SLC43A2: variants seen among roughly 807,000 people sequenced by gnomAD.
SLC43A2 encodes the protein large neutral amino acids transporter small subunit 4.
Under a neutral mutation model 63.2 loss-of-function variants are expected in SLC43A2, and 38 were observed. The observed-to-expected ratio is 0.60, with a 90% CI of 0.46 to 0.79. SLC43A2 has a LOEUF of 0.79. Among genes scored for constraint, SLC43A2 ranks in the 30% least tolerant of loss-of-function variants. The pLI is 0.00. For synonymous variants in SLC43A2, 322 were observed against 331.0 expected (o/e 0.97, Z 0.30); for missense variants, 644 against 756.2 (o/e 0.85, Z 1.74).
At chr17:1,623,025 T>C (rs1255321868) in intron 2 of SLC43A2, among the ~76,000 whole-genome samples, 2 of 151,932 alleles carry the variant, frequency 1.3e-5, no homozygotes, top group Non-Finnish European at 2.9e-5. Flanking sequence ...AAAATCGCTT[T>C]AACCCGAGAG....
rs2075903909 is a variant in SLC43A2 at position 1,575,212 on chromosome 17, G to A, written c.*392C>T. Reference sequence around the variant, plus strand: ...TGTCCTCAGGCAGGTACGGCTGTGGGCATGCAGCCGAGGGGCAGGTGGCAG... The same window carrying A: ...TGTCCTCAGGCAGGTACGGCTGTGGACATGCAGCCGAGGGGCAGGTGGCAG... On this transcript the variant is annotated 3_prime_UTR_variant, in exon 14 of 14. Transcript: ENST00000301335. The A allele has an allele frequency of 3.0e-6, 1 of 330,358 alleles. No homozygotes were observed. Among genetic ancestry groups the A allele is most frequent in the Non-Finnish European group, 5.7e-6 (1 of 174,584 alleles). The allele number at this position is 330,358 out of a possible 1,614,324, so 20.5% of individuals were successfully genotyped here. A position where few individuals can be genotyped will look rare whatever the true frequency, so the allele number is the denominator to read the frequency against.
Position 1,575,197 on chromosome 17 carries a change from C to G in SLC43A2, c.*407G>C. On this transcript the variant is annotated 3_prime_UTR_variant, in exon 14 of 14. Coordinates refer to ENST00000301335, the MANE Select transcript of SLC43A2 (RefSeq NM_152346.3). ...GACAGTGCAAGCCTTTGTCCTCAGG[C>G]AGGTACGGCTGTGGGCATGCAGCCG... 1.0e-5 allele frequency: 3 copies of G among 299,256 alleles called. No individual in the cohort carries two copies. The highest frequency in any genetic ancestry group is 1.9e-5 in the Non-Finnish European group (3 of 155,598). The allele number at this position is 299,256 out of a possible 1,614,324, so 18.5% of individuals were successfully genotyped here.
At position 1,583,671 on chromosome 17, in the gene SLC43A2, C is replaced by A; in HGVS notation, c.1218-335G>T. 2 of 249,364 alleles carry A rather than the reference C, an allele frequency of 8.0e-6. No individual in the cohort carries two copies. The highest frequency in any genetic ancestry group is 1.6e-4 in the East Asian group (2 of 12,848). 15.4% of individuals were successfully genotyped at this position (249,364 alleles called of 1,614,324 possible). ...TGGCACATGGCAAAGCCTCACTTCA[C>A]CACTGGCTTCAAGTTCACCCAAATC... On this transcript the variant is annotated intron_variant, in intron 10 of 13. Coordinates refer to ENST00000301335, the MANE Select transcript of SLC43A2 (RefSeq NM_152346.3). The surrounding 1 kb of genome is among the most constrained non-coding windows in gnomAD (Gnocchi z 5.5).
rs1598491958 is a variant in SLC43A2, at chr17:1,618,498, C to T, written c.161-1729G>A. Among the ~76,000 whole-genome samples the T allele has an allele frequency of 2.0e-5, 3 of 152,308 alleles. No homozygotes were observed. The East Asian group carries it at 5.8e-4, about 29-fold the overall frequency. On this transcript the variant is annotated intron_variant, in intron 2 of 13. Coordinates refer to ENST00000301335, the MANE Select transcript of SLC43A2 (RefSeq NM_152346.3). ...GAGGCTCCGGCGGGGAATCACGGCA[C>T]CATCAGCTGGCACAGAGCCGGATGC...
intron 3 of SLC43A2, among the ~76,000 whole-genome samples, chr17:1,615,965 C>A (rs562100186): frequency 2.0e-5 from 3 of 149,980 alleles, no homozygotes; most frequent in Admixed American, 6.7e-5. Context: ...ATTGCTTGAA[C>A]TGGGGAGGCA....
intron 2 of SLC43A2, among the ~76,000 whole-genome samples, chr17:1,624,202 C>A (rs1019387609): frequency 6.6e-6 from 1 of 152,212 alleles, no homozygotes; most frequent in Non-Finnish European, 1.5e-5. Context: ...TGTGGGAGCC[C>A]GAGGTGGGTG....
intron 10 of SLC43A2, 33 bp downstream of exon 10, chr17:1,585,880 C>A (rs760883650): frequency 6.2e-7 from 1 of 1,613,110 alleles, no homozygotes; most frequent in Non-Finnish European, 8.5e-7. Context: ...GGGCTGCGGG[C>A]TGGGAGCCGG....
intron 9 of SLC43A2, among the ~76,000 whole-genome samples, chr17:1,588,532 A>G (rs1267395033): frequency 6.6e-6 from 1 of 151,370 alleles, no homozygotes; most frequent in Non-Finnish European, 1.5e-5. Context: ...CTTTATGGAA[A>G]AAAAAAAAAA....
chr17:1,613,805 A>G (rs1313453944), intron 4 of SLC43A2, among the ~76,000 whole-genome samples: 3 of 152,086 alleles, frequency 2.0e-5, no homozygotes, highest in Non-Finnish European at 4.4e-5. Context: ...TTCTCCAATT[A>G]ATATTAGCAG....
chr17:1,628,280 T>C (rs1453285119), intron 1 of SLC43A2: 1 of 161,894 alleles, frequency 6.2e-6, no homozygotes, highest in Admixed American at 6.4e-5. Flanking sequence ...GGGGCCAGCA[T>C]GGAACGCAGC....
chr17:1,602,625 G>A (rs1049226923), intron 5 of SLC43A2, among the ~76,000 whole-genome samples: 21 of 151,842 alleles, frequency 1.4e-4, no homozygotes, highest in Non-Finnish European at 2.5e-4. Context: ...CAGCCTGGGC[G>A]ACAGAGCGAG....
At position 1,590,645 on chromosome 17, in the gene SLC43A2, G is replaced by T. The variant is rs188420042; in HGVS notation, c.1078+157C>A. Among the ~76,000 whole-genome samples the T allele has an allele frequency of 2.7e-3, 409 of 152,340 alleles. 2 individuals are homozygous for T. Among genetic ancestry groups the T allele is most frequent in the Non-Finnish European group, 4.4e-3 (301 of 68,036 alleles). ...GGACACGAAGAAACAGTTGGGGCTGGCAGTGATGCAATAGCTCTGACGGGC... is the reference window on the plus strand; with the variant it reads ...GGACACGAAGAAACAGTTGGGGCTGTCAGTGATGCAATAGCTCTGACGGGC... On this transcript the variant is annotated intron_variant, in intron 9 of 13. Coordinates refer to ENST00000301335, the MANE Select transcript of SLC43A2 (RefSeq NM_152346.3).
At position 1,605,368 on chromosome 17, in the gene SLC43A2, C is replaced by G; in HGVS notation, c.501+7827G>C. The G allele has an allele frequency of 2.8e-6, 1 of 363,028 alleles. No individual in the cohort carries two copies. Among genetic ancestry groups the G allele is most frequent in the South Asian group, 9.0e-5 (1 of 11,110 alleles). The allele number at this position is 363,028 out of a possible 1,614,324, so 22.5% of individuals were successfully genotyped here. ...GAGCATGACCACCGGACAGGAGTGCCTGCAGGGCCAAGGCCCTGGGACAGT... is the reference window on the plus strand; with the variant it reads ...GAGCATGACCACCGGACAGGAGTGCGTGCAGGGCCAAGGCCCTGGGACAGT... On this transcript the variant is annotated intron_variant, in intron 5 of 13. Transcript: ENST00000301335. This position sits in a 1 kb window ranked among gnomAD's most constrained non-coding sequence, Gnocchi z 4.9.
Position 1,623,247 on chromosome 17 carries a change from C to T in SLC43A2, c.160+4468G>A, listed in dbSNP as rs560975011. Among the ~76,000 whole-genome samples, 33 of 152,348 alleles carry T rather than the reference C, an allele frequency of 2.2e-4. 1 individual carries two copies. The South Asian group carries it at 6.6e-3, about 31-fold the overall frequency. ...GGCGGCAGCCCCTCTGCCCTTGCAGCGATCTCTGTGCCAGGGCGAGCTCGC... is the reference window on the plus strand; with the variant it reads ...GGCGGCAGCCCCTCTGCCCTTGCAGTGATCTCTGTGCCAGGGCGAGCTCGC... On this transcript the variant is annotated intron_variant, in intron 2 of 13. Coordinates refer to ENST00000301335, the MANE Select transcript of SLC43A2 (RefSeq NM_152346.3).
chr17:1,618,189 C>T (rs1488017200), intron 2 of SLC43A2, among the ~76,000 whole-genome samples: 2 of 152,312 alleles, frequency 1.3e-5, no homozygotes, highest in East Asian at 1.9e-4. Context: ...CAAGGAGCCC[C>T]GCCGGGGCCG....
chr17:1,621,602 G>T (rs1908164727), intron 2 of SLC43A2, among the ~76,000 whole-genome samples: 1 of 152,228 alleles, frequency 6.6e-6, no homozygotes, highest in African/African-American at 2.4e-5. Flanking sequence ...CTGAGCAGTG[G>T]TCCCAGCAGC....
At chr17:1,585,069 C>T (rs569882718) in intron 10 of SLC43A2, among the ~76,000 whole-genome samples, 10 of 152,260 alleles carry the variant, frequency 6.6e-5, no homozygotes, top group African/African-American at 1.2e-4. Context: ...CCATCTGAGC[C>T]GGGCGCGGTG....
At chr17:1,587,077 C>A in intron 9 of SLC43A2, 1 of 1,204,276 alleles carries the variant, frequency 8.3e-7, no homozygotes, top group Non-Finnish European at 1.2e-6. Flanking sequence ...GCACGCACTG[C>A]ATTTCCCACA....
chr17:1,603,556 A>AG (rs1906282205), intron 5 of SLC43A2, among the ~76,000 whole-genome samples: 2 of 152,014 alleles, frequency 1.3e-5, no homozygotes, highest in Non-Finnish European at 2.9e-5. Flanking sequence ...AGGCCGAGGC[A>AG]GGGGATCACC....
Sources: gnomAD v4.1 joint callset for allele counts (sites outside exome capture counted in the v4.1 genomes callset) on GRCh38, gnomAD v4.1.1 for gene constraint, Gnocchi (gnomAD v3.1) non-coding constraint, MANE v1.5 for transcripts, NCBI Gene and HGNC (gene_info 2026-07-23, HGNC 2026-07-21) for gene names.